Variants in STIMATE observed in about 807,000 individuals in gnomAD.
STIMATE encodes the protein STIM activating enhancer, also known as store-operated calcium entry regulator STIMATE.
In STIMATE, 15 loss-of-function variants were observed where a neutral mutation model predicts 36.7. The ratio of observed to expected loss-of-function variants is 0.41; its 90% CI spans 0.27 to 0.63. The LOEUF is 0.63. Among genes scored for constraint, STIMATE ranks in the 20% least tolerant of loss-of-function variants. The probability of loss-of-function intolerance (pLI) is 0.32; values close to 1 mark genes in which losing one functional copy is unlikely to be tolerated. For synonymous variants in STIMATE, 163 were observed against 162.3 expected (o/e 1.00, Z -0.03); for missense variants, 305 against 397.3 (o/e 0.77, Z 1.98).
At chr3:52,849,981 G>A (rs530754313) in intron 3 of STIMATE, 68 bp from the exon 4 acceptor site, 4 of 1,549,578 alleles carry the variant, frequency 2.6e-6, no homozygotes, top group Non-Finnish European at 3.5e-6. Flanking sequence ...GCTGATGCAG[G>A]GTGGCCTGAG....
At chr3:52,883,359 G>A (rs1459512361) in intron 1 of STIMATE, among the ~76,000 whole-genome samples, 1 of 152,092 alleles carries the variant, frequency 6.6e-6, no homozygotes, top group Admixed American at 6.5e-5. Flanking sequence ...TCCTCTGATT[G>A]CTTTTACAAT....
chr3:52,862,050 T>A (rs967443977), intron 1 of STIMATE, among the ~76,000 whole-genome samples: 1 of 152,168 alleles, frequency 6.6e-6, no homozygotes. Flanking sequence ...ATGCTCCAAC[T>A]GCAGGCTGGC....
At position 52,839,000 on chromosome 3, in the gene STIMATE, C is replaced by T. The variant is rs767483793; in HGVS notation, c.*1494G>A. The T allele has an allele frequency of 6.6e-6, 1 of 152,278 alleles. No individual in the cohort carries two copies. The highest frequency in any genetic ancestry group is 2.4e-5 in the African/African-American group (1 of 41,456). 9.4% of individuals were successfully genotyped at this position (152,278 alleles called of 1,614,324 possible). On this transcript the variant is annotated 3_prime_UTR_variant, in exon 8 of 8. Coordinates refer to ENST00000355083, the MANE Select transcript of STIMATE (RefSeq NM_198563.5). ...GCTGCCTCTGAGCTTGACAAACCACCAAGCAGTGCCCCTACCTTGCTGTTT... is the reference window on the plus strand; with the variant it reads ...GCTGCCTCTGAGCTTGACAAACCACTAAGCAGTGCCCCTACCTTGCTGTTT...
chr3:52,873,949 C>T (rs189871002), intron 1 of STIMATE, among the ~76,000 whole-genome samples: 15 of 152,294 alleles, frequency 9.8e-5, no homozygotes, highest in Admixed American at 3.3e-4. Context: ...TAGCGGGCAA[C>T]GATATGTGTG....
rs912791531 is a variant in STIMATE, at chr3:52,868,071, A to C, written c.161-12627T>G. Reference sequence around the variant, plus strand: ...GGAACCAGCAGTCAAGGAAAAACCCAGAAGTGTTTCTGCACCTTCCCTAAG... The same window carrying C: ...GGAACCAGCAGTCAAGGAAAAACCCCGAAGTGTTTCTGCACCTTCCCTAAG... On this transcript the variant is annotated intron_variant, in intron 1 of 7. Transcript: ENST00000355083. Among the ~76,000 whole-genome samples the C allele has an allele frequency of 2.0e-5, 3 of 152,348 alleles. No homozygotes were observed. In the East Asian group the frequency reaches 5.8e-4, roughly 29 times the overall value.
chr3:52,863,432 G>A (rs1279155940), intron 1 of STIMATE, among the ~76,000 whole-genome samples: 1 of 152,166 alleles, frequency 6.6e-6, no homozygotes, highest in Non-Finnish European at 1.5e-5. Flanking sequence ...CCACCCCCAT[G>A]ATTCAAATTA....
Position 52,838,297 on chromosome 3 carries a change from C to T in STIMATE, c.*2197G>A, listed in dbSNP as rs1211176759. 6.6e-6 allele frequency: 1 copy of T among 152,184 alleles called. No individual in the cohort carries two copies. The highest frequency in any genetic ancestry group is 2.4e-5 in the African/African-American group (1 of 41,428). 9.4% of individuals were successfully genotyped at this position (152,184 alleles called of 1,614,324 possible). A position where few individuals can be genotyped will look rare whatever the true frequency, so the allele number is the denominator to read the frequency against. On this transcript the variant is annotated 3_prime_UTR_variant, in exon 8 of 8. Coordinates refer to ENST00000355083, the MANE Select transcript of STIMATE (RefSeq NM_198563.5). ...CACAGCTTTCATAGATTATGGCTCT[C>T]CTATCCCCTGCCCTGTCTGGAAACA...
rs774406268 is a variant in STIMATE at position 52,838,901 on chromosome 3, C to T, written c.*1593G>A. 1.3e-5 allele frequency: 2 copies of T among 152,330 alleles called. No homozygotes were observed. The allele number at this position is 152,330 out of a possible 1,614,324, so 9.4% of individuals were successfully genotyped here. On this transcript the variant is annotated 3_prime_UTR_variant, in exon 8 of 8. Transcript: ENST00000355083. ...AGTGGCCTCCTCTGCACTTGTCTCACTTGAAGTCCAGGATGTCTCCCTTCT... is the reference window on the plus strand; with the variant it reads ...AGTGGCCTCCTCTGCACTTGTCTCATTTGAAGTCCAGGATGTCTCCCTTCT...
intron 1 of STIMATE, among the ~76,000 whole-genome samples, chr3:52,870,585 C>G (rs1701384954): frequency 6.6e-6 from 1 of 152,148 alleles, no homozygotes; most frequent in Non-Finnish European, 1.5e-5. Flanking sequence ...GCCTGCCATC[C>G]TCTGCCCAGG....
intron 1 of STIMATE, among the ~76,000 whole-genome samples, chr3:52,856,716 T>C (rs1701104731): frequency 6.8e-6 from 1 of 147,904 alleles, no homozygotes; most frequent in African/African-American, 2.7e-5. Context: ...AGAAAAGCTC[T>C]GTTAATTGAG....
At chr3:52,874,735 G>A (rs965511005) in intron 1 of STIMATE, among the ~76,000 whole-genome samples, 4 of 152,058 alleles carry the variant, frequency 2.6e-5, no homozygotes, top group Non-Finnish European at 4.4e-5. Context: ...GTGGCTACTC[G>A]TGAGGCTGAG....
At chr3:52,845,941 G>C (rs1700890359) in intron 4 of STIMATE, among the ~76,000 whole-genome samples, 1 of 151,400 alleles carries the variant, frequency 6.6e-6, no homozygotes, top group African/African-American at 2.4e-5. Flanking sequence ...GGGGTGGCGG[G>C]GGGGCGGGAG....
intron 1 of STIMATE, 141 bp downstream of exon 1, chr3:52,897,150 A>C: frequency 2.7e-6 from 3 of 1,125,004 alleles, no homozygotes; most frequent in Non-Finnish European, 3.6e-6. Context: ...CCCCTAGTGC[A>C]GGAATACCCA....
chr3:52,860,040 G>C (rs1372635920), intron 1 of STIMATE, among the ~76,000 whole-genome samples: 1 of 131,088 alleles, frequency 7.6e-6, no homozygotes, highest in Non-Finnish European at 1.6e-5. Context: ...CCTTTCCCTA[G>C]AACAGTCCAG....
intron 1 of STIMATE, among the ~76,000 whole-genome samples, chr3:52,871,576 CTCAG>C: frequency 6.6e-6 from 1 of 152,136 alleles, no homozygotes; most frequent in Non-Finnish European, 1.5e-5. Context: ...GAGCAGAAGC[CTCAG>C]AGCCTCACTA....
intron 1 of STIMATE, among the ~76,000 whole-genome samples, chr3:52,869,303 C>T (rs1394927353): frequency 1.3e-5 from 2 of 152,234 alleles, no homozygotes; most frequent in African/African-American, 4.8e-5. Flanking sequence ...TGGCCTAAAA[C>T]CCTCCAGTGC....
chr3:52,861,756 C>T (rs1259838414), intron 1 of STIMATE, among the ~76,000 whole-genome samples: 4 of 152,270 alleles, frequency 2.6e-5, no homozygotes, highest in East Asian at 3.9e-4. Context: ...TTCTGTGAAG[C>T]GTGAGACCTT....
intron 7 of STIMATE, among the ~76,000 whole-genome samples, chr3:52,842,068 T>G (rs950664715): frequency 2.0e-5 from 3 of 152,216 alleles, no homozygotes; most frequent in African/African-American, 7.2e-5. Flanking sequence ...TTAGAACATA[T>G]TACGGTGTCA....
Position 52,849,843 on chromosome 3 carries a change from T to C in STIMATE, c.376A>G (p.Ser126Gly). 6.2e-7 allele frequency: 1 copy of C among 1,613,806 alleles called. No individual in the cohort carries two copies. The change falls in exon 4 of 8, where the codon AGC (serine) becomes GGC (glycine). Residue 126 changes from serine to glycine, a missense_variant. By Grantham distance (56) the Ser-to-Gly change is moderately conservative. This residue lies in a region of STIMATE where 164 missense variants were observed against 257.9 expected (regional missense o/e 0.64). Coordinates refer to ENST00000355083, the MANE Select transcript of STIMATE (RefSeq NM_198563.5). ...LLIYVGVRAVSVLVEWQQWES... is the reference protein window; with the variant it reads ...LLIYVGVRAVGVLVEWQQWES... ...CACTGCTGCCACTCTACCAGGACGCTGACGGCGCGCACCCCCACGTAGATG... is the reference window on the plus strand; with the variant it reads ...CACTGCTGCCACTCTACCAGGACGCCGACGGCGCGCACCCCCACGTAGATG...
Sources: gnomAD v4.1 joint callset for allele counts (sites outside exome capture counted in the v4.1 genomes callset) on GRCh38, gnomAD v4.1.1 for gene constraint, gnomAD v4.1.1 regional missense constraint, MANE v1.5 for transcripts, NCBI Gene and HGNC (gene_info 2026-07-23, HGNC 2026-07-21) for gene names.